Variants in FHIT observed in about 807,000 individuals in gnomAD.
FHIT encodes bis(5'-adenosyl)-triphosphatase.
Under a neutral mutation model 17.9 loss-of-function variants are expected in FHIT, and 19 were observed. The ratio of observed to expected loss-of-function variants is 1.06; its 90% CI spans 0.74 to 1.56. FHIT has a LOEUF of 1.56. Ranked by LOEUF, FHIT falls within the 40% of genes most tolerant of loss-of-function variation. The probability of loss-of-function intolerance (pLI) is 0.00; values close to 1 mark genes in which losing one functional copy is unlikely to be tolerated. For missense variants in FHIT, 248 were observed against 189.2 expected (o/e 1.31, Z -1.82); for synonymous variants, 81 against 69.7 (o/e 1.16, Z -0.81).
intron 5 of FHIT, among the ~76,000 whole-genome samples, chr3:60,232,684 C>A (rs1024206062): frequency 2.0e-5 from 3 of 152,140 alleles, no homozygotes; most frequent in African/African-American, 7.2e-5. Context: ...AAGCTAAAAT[C>A]TTATCTCCAT....
At chr3:60,211,068 T>TAAAA (rs10663373) in intron 5 of FHIT, among the ~76,000 whole-genome samples, 14 of 84,410 alleles carry the variant, frequency 1.7e-4, no homozygotes, top group East Asian at 2.7e-4. Flanking sequence ...TATAAAACCG[T>TAAAA]AAAAAAAAAA....
intron 4 of FHIT, among the ~76,000 whole-genome samples, chr3:60,566,392 T>G (rs1291490796): frequency 6.6e-6 from 1 of 152,080 alleles, no homozygotes; most frequent in Non-Finnish European, 1.5e-5. Context: ...GAAAAGGCCT[T>G]TGACAAAATT....
chr3:60,557,460 C>G (rs952186058), intron 4 of FHIT, among the ~76,000 whole-genome samples: 8 of 151,996 alleles, frequency 5.3e-5, no homozygotes, highest in Non-Finnish European at 1.2e-4. Flanking sequence ...TGCACAATCA[C>G]TGCTACCCAC....
chr3:60,314,442 A>G (rs1482570787), intron 5 of FHIT, among the ~76,000 whole-genome samples: 3 of 152,156 alleles, frequency 2.0e-5, no homozygotes, highest in Non-Finnish European at 4.4e-5. Context: ...AAGCCCAGAA[A>G]CTTCAAATAA....
chr3:59,899,572 A>G (rs148048758), intron 8 of FHIT, among the ~76,000 whole-genome samples: 1 of 151,974 alleles, frequency 6.6e-6, no homozygotes. Context: ...AGTGGCTCAC[A>G]CCTATAATCC....
chr3:60,189,343 A>T (rs573433010), intron 5 of FHIT, among the ~76,000 whole-genome samples: 2 of 152,298 alleles, frequency 1.3e-5, no homozygotes, highest in African/African-American at 4.8e-5. Flanking sequence ...TTTTCAGTGA[A>T]TAAATTGCAT....
At chr3:60,117,790 C>G (rs1335686609) in intron 5 of FHIT, among the ~76,000 whole-genome samples, 1 of 142,234 alleles carries the variant, frequency 7.0e-6, no homozygotes, top group Non-Finnish European at 1.6e-5. Context: ...CTATAGAGGC[C>G]ACCAGTGAAA....
chr3:60,317,264 T>C (rs997196603), intron 5 of FHIT, among the ~76,000 whole-genome samples: 1 of 152,028 alleles, frequency 6.6e-6, no homozygotes, highest in Non-Finnish European at 1.5e-5. Context: ...TGAAAATCAA[T>C]CCCTATAACA....
chr3:60,516,946 CAT>C (rs993703967), intron 5 of FHIT, among the ~76,000 whole-genome samples: 54 of 152,256 alleles, frequency 3.5e-4, no homozygotes, highest in African/African-American at 1.0e-3. Context: ...GCTAAGAAAA[CAT>C]AATCATTTGA....
intron 4 of FHIT, among the ~76,000 whole-genome samples, chr3:60,792,785 C>A (rs1240065726): frequency 1.3e-5 from 2 of 151,814 alleles, no homozygotes; most frequent in African/African-American, 4.8e-5. Context: ...CAGTTCTTTA[C>A]AGCCATTAGT....
chr3:60,044,141 C>CA (rs1401681128), intron 5 of FHIT, among the ~76,000 whole-genome samples: 1 of 152,066 alleles, frequency 6.6e-6, no homozygotes, highest in Non-Finnish European at 1.5e-5. Context: ...CTTTGCAGCT[C>CA]AGAGGAAATT....
chr3:60,646,721 T>G (rs1315579612), intron 4 of FHIT, among the ~76,000 whole-genome samples: 2 of 152,144 alleles, frequency 1.3e-5, no homozygotes, highest in East Asian at 3.9e-4. Context: ...GAGAGCAGAG[T>G]TGACATGGCG....
intron 5 of FHIT, among the ~76,000 whole-genome samples, chr3:60,024,368 C>T (rs369581643): frequency 2.5e-4 from 38 of 152,094 alleles, no homozygotes; most frequent in African/African-American, 8.7e-4. Context: ...GTGAAGATTT[C>T]GTAGTGAGAG....
intron 5 of FHIT, among the ~76,000 whole-genome samples, chr3:60,345,328 G>A (rs6807483): frequency 0.012 from 1,775 of 152,256 alleles, 38 homozygotes; most frequent in African/African-American, 0.041. Context: ...GACAGCATGA[G>A]AACTACTGAC....
intron 5 of FHIT, among the ~76,000 whole-genome samples, chr3:60,377,880 G>A (rs1700639148): frequency 6.6e-6 from 1 of 152,134 alleles, no homozygotes; most frequent in Non-Finnish European, 1.5e-5. Flanking sequence ...GGGGCACAAA[G>A]GAAAACTGAA....
At chr3:59,890,254 G>T (rs1405256757) in intron 8 of FHIT, among the ~76,000 whole-genome samples, 1 of 152,060 alleles carries the variant, frequency 6.6e-6, no homozygotes, top group Admixed American at 6.6e-5. Context: ...GGACTCCATG[G>T]TGGGAATTAG....
At chr3:60,375,913 C>G (rs954911004) in intron 5 of FHIT, among the ~76,000 whole-genome samples, 1 of 152,150 alleles carries the variant, frequency 6.6e-6, no homozygotes, top group Non-Finnish European at 1.5e-5. Context: ...CATGTGACCA[C>G]TGAGCACCTG....
chr3:60,138,065 G>A (rs1195256272), intron 5 of FHIT, among the ~76,000 whole-genome samples: 1 of 152,162 alleles, frequency 6.6e-6, no homozygotes, highest in Non-Finnish European at 1.5e-5. Flanking sequence ...TTAAAGATGA[G>A]AAGACTGAAG....
chr3:60,816,835 T>C (rs1185277047), intron 4 of FHIT, among the ~76,000 whole-genome samples: 1 of 152,004 alleles, frequency 6.6e-6, no homozygotes, highest in Non-Finnish European at 1.5e-5. Context: ...AGGTAGAATT[T>C]TGCTATGACA....
Sources: allele counts gnomAD v4.1 joint callset (sites outside exome capture counted in the v4.1 genomes callset), GRCh38; gene constraint gnomAD v4.1.1; transcripts MANE v1.5; gene names NCBI Gene and HGNC (gene_info 2026-07-23, HGNC 2026-07-21).